The following IL17RE variants were observed in gnomAD, a reference collection of about 807,000 sequenced individuals.
IL17RE encodes the protein interleukin-17 receptor E.
In IL17RE, 47 loss-of-function variants were observed where a neutral mutation model predicts 70.7. That is an observed-to-expected ratio of 0.67 (90% CI 0.53 to 0.85). The LOEUF (loss-of-function observed/expected upper bound fraction) is 0.85. Ranked by LOEUF, IL17RE falls within the 40% of genes least tolerant of loss-of-function variation. The pLI, the probability that IL17RE is intolerant of heterozygous loss-of-function variation, is 0.00. For missense variants in IL17RE, 850 were observed against 893.9 expected (o/e 0.95, Z 0.63); for synonymous variants, 372 against 381.2 (o/e 0.98, Z 0.28).
chr3:9,904,522 C>T (rs997531346), intron 3 of IL17RE, among the ~76,000 whole-genome samples: 6 of 152,290 alleles, frequency 3.9e-5, no homozygotes, highest in African/African-American at 4.8e-5. Flanking sequence ...CGGTGGCTCA[C>T]GCCTGTAATC....
chr3:9,907,844 T>A (rs943616085), intron 6 of IL17RE, among the ~76,000 whole-genome samples: 3 of 152,166 alleles, frequency 2.0e-5, no homozygotes, highest in Non-Finnish European at 4.4e-5. Flanking sequence ...TGTATACAGT[T>A]GGTAGCATTT....
At chr3:9,909,358 C>A (rs1286370455) in intron 8 of IL17RE, 75 bp downstream of exon 8, 1 of 1,023,474 alleles carries the variant, frequency 9.8e-7, no homozygotes, top group Non-Finnish European at 1.5e-6. Flanking sequence ...CACATGTACA[C>A]ACACACACAC....
In IL17RE at chr3:9,913,953, C is replaced by T. The variant is rs1241633077; in HGVS notation, c.1228-3C>T. The T allele has an allele frequency of 6.2e-7, 1 of 1,613,514 alleles. No homozygotes were observed. The highest frequency in any genetic ancestry group is 1.7e-5 in the Admixed American group (1 of 60,026). On this transcript the variant is annotated splice_region_variant and splice_polypyrimidine_tract_variant and intron_variant, in intron 12 of 15. Transcript: ENST00000383814. ...ACAGCCTTTCTGCTCTTTGTTTCTA[C>T]AGGCCCGGGGCTCAAGCCCAGTGTC...
At chr3:9,914,875 C>A in intron 15 of IL17RE, 98 bp downstream of exon 15, 1 of 1,019,844 alleles carries the variant, frequency 9.8e-7, no homozygotes, top group Non-Finnish European at 1.5e-6. Context: ...GCACTGCACC[C>A]AATCTCTGTT....
rs1402803598 is a variant in IL17RE, at chr3:9,909,440, GT to G, written c.802+158del. ...CATGCAGGTACTTTCCCTGGAGTCA[GT>G]GGGGGGAAAAGGGCTGCCAAGTCTA... On this transcript the variant is annotated intron_variant, in intron 8 of 15. Coordinates refer to ENST00000383814, the MANE Select transcript of IL17RE (RefSeq NM_153480.2). 15 of 692,808 alleles carry G rather than the reference GT, an allele frequency of 2.2e-5. No individual in the cohort carries two copies. In the African/African-American group the frequency reaches 2.7e-4, roughly 12 times the overall value. 42.9% of individuals were successfully genotyped at this position (692,808 alleles called of 1,614,324 possible).
Position 9,915,964 on chromosome 3 carries a change from C to T in IL17RE, c.*157C>T. ...CTGCCTCACAGGCCGGAAGTCCCAG[C>T]CCAGTCCCCGCGCGCGTCCCTCTTC... On this transcript the variant is annotated 3_prime_UTR_variant, in exon 16 of 16. Transcript: ENST00000383814. The surrounding 1 kb of genome is among the most constrained non-coding windows in gnomAD (Gnocchi z 4.9). The T allele has an allele frequency of 7.1e-6, 9 of 1,269,456 alleles. No individual in the cohort carries two copies. The highest frequency in any genetic ancestry group is 9.1e-6 in the Non-Finnish European group (9 of 990,954). 78.6% of individuals were successfully genotyped at this position (1,269,456 alleles called of 1,614,324 possible).
rs1386230302 is a variant in IL17RE at position 9,903,377 on chromosome 3, T to C, written c.133-20T>C. The C allele has an allele frequency of 6.2e-7, 1 of 1,613,884 alleles. No individual in the cohort carries two copies. Among genetic ancestry groups the C allele is most frequent in the South Asian group, 1.1e-5 (1 of 91,070 alleles). ...TAATAGCTCTTTCCTTTCTTTTCCC[T>C]ACTGGGCCCTGTGCCTCAGGATGAC... On this transcript the variant is annotated intron_variant, in intron 1 of 15. Coordinates refer to ENST00000383814, the MANE Select transcript of IL17RE (RefSeq NM_153480.2).
At chr3:9,908,694 G>A (rs2082816044) in intron 7 of IL17RE, among the ~76,000 whole-genome samples, 3 of 152,222 alleles carry the variant, frequency 2.0e-5, no homozygotes. Context: ...CTAGGCCTCT[G>A]TGGCAGTCCT....
intron 6 of IL17RE, 72 bp from the exon 7 acceptor site, chr3:9,908,167 G>A: frequency 7.8e-7 from 1 of 1,277,752 alleles, no homozygotes; most frequent in Non-Finnish European, 1.1e-6. Context: ...TCCCAGCACT[G>A]TTCTGCCCTT....
chr3:9,907,707 C>T (rs1034716931), intron 6 of IL17RE, among the ~76,000 whole-genome samples: 1 of 152,186 alleles, frequency 6.6e-6, no homozygotes, highest in African/African-American at 2.4e-5. Context: ...ACAAAATGAT[C>T]ACATCTGTCT....
At chr3:9,911,942 G>A (rs2125089477) in intron 12 of IL17RE, 1 of 177,692 alleles carries the variant, frequency 5.6e-6, no homozygotes, top group Non-Finnish European at 1.2e-5. Context: ...ACAGAGGCAA[G>A]GGACTGGCCC....
At chr3:9,903,105 G>A in intron 1 of IL17RE, 41 bp downstream of exon 1, 1 of 1,553,892 alleles carries the variant, frequency 6.4e-7, no homozygotes, top group Non-Finnish European at 8.9e-7. Flanking sequence ...GCCTGGCACA[G>A]CCATAAAGCT....
chr3:9,908,144 G>A, intron 6 of IL17RE, 95 bp from the exon 7 acceptor site: 1 of 973,022 alleles, frequency 1.0e-6, no homozygotes, highest in Non-Finnish European at 1.6e-6. Flanking sequence ...AAAACAGGGT[G>A]TGTTGGCCAA....
At chr3:9,908,429 T>A in intron 7 of IL17RE, 122 bp downstream of exon 7, 2 of 812,212 alleles carry the variant, frequency 2.5e-6, no homozygotes, top group South Asian at 3.1e-5. Flanking sequence ...ACTGGCATGC[T>A]TAGGAAGACC....
rs1268771536 is a variant in IL17RE, at chr3:9,915,638, G to A, written c.1835G>A (p.Arg612His). The change falls in exon 16 of 16, where the codon CGC becomes CAC. Residue 612 changes from arginine to histidine, a missense_variant. Physicochemically the swap from Arg to His is conservative, Grantham distance 29. Coordinates refer to ENST00000383814, the MANE Select transcript of IL17RE (RefSeq NM_153480.2). This position sits in a 1 kb window ranked among gnomAD's most constrained non-coding sequence, Gnocchi z 4.9. ...CCCCCGCCGCTGCGCGCCCTGCCGC[G>A]CTACCGCCTGCTGCGCGACCTGCCG... Reference protein sequence around the residue: ...DIPPPLRALPRYRLLRDLPRL... With the variant: ...DIPPPLRALPHYRLLRDLPRL... 7.1e-7 allele frequency: 1 copy of A among 1,410,122 alleles called. No individual in the cohort carries two copies. The highest frequency in any genetic ancestry group is 1.5e-5 in the South Asian group (1 of 67,174). The allele number at this position is 1,410,122 out of a possible 1,614,324, so 87.4% of individuals were successfully genotyped here.
In IL17RE at chr3:9,915,570, G is replaced by T; in HGVS notation, c.1767G>T (p.Leu589=). ...ALLHAAPRPL[L]LLAYFSRLCA... is the part of the protein sequence containing the mutation. ...TCCACGCTGCCCCGCGCCCGCTGCTGCTGCTCGCTTACTTCAGTCGCCTCT... is the reference window on the plus strand; with the variant it reads ...TCCACGCTGCCCCGCGCCCGCTGCTTCTGCTCGCTTACTTCAGTCGCCTCT... The change falls in exon 16 of 16, where the codon CTG becomes CTT. Residue 589 remains leucine (L), a synonymous_variant. Transcript: ENST00000383814. This position sits in a 1 kb window ranked among gnomAD's most constrained non-coding sequence, Gnocchi z 4.9. 1 of 1,416,104 alleles carries T rather than the reference G, an allele frequency of 7.1e-7. No homozygotes were observed. Among genetic ancestry groups the T allele is most frequent in the Non-Finnish European group, 9.2e-7 (1 of 1,087,504 alleles). The allele number at this position is 1,416,104 out of a possible 1,614,324, so 87.7% of individuals were successfully genotyped here.
At chr3:9,902,475 A>G (rs1484193942), upstream of IL17RE, 17 of 737,048 alleles carry the variant, frequency 2.3e-5, no homozygotes, top group Non-Finnish European at 3.2e-5. Context: ...TCCAGCACCC[A>G]GTGCTGAGTA....
intron 3 of IL17RE, among the ~76,000 whole-genome samples, chr3:9,906,091 G>A (rs1477453422): frequency 6.6e-6 from 1 of 151,302 alleles, no homozygotes; most frequent in African/African-American, 2.4e-5. Flanking sequence ...CTCCACTAAA[G>A]ATACAAAATT....
At chr3:9,914,353 T>C in intron 13 of IL17RE, 195 bp from the exon 14 acceptor site, 1 of 1,422,068 alleles carries the variant, frequency 7.0e-7, no homozygotes, top group Non-Finnish European at 9.2e-7. Context: ...TTTTTGAGTT[T>C]GGCCCCTGTC....
Sources: gnomAD v4.1 joint callset for allele counts (sites outside exome capture counted in the v4.1 genomes callset) on GRCh38, gnomAD v4.1.1 for gene constraint, Gnocchi (gnomAD v3.1) non-coding constraint, MANE v1.5 for transcripts, NCBI Gene and HGNC (gene_info 2026-07-23, HGNC 2026-07-21) for gene names.